The following LRRC49 variants were observed in gnomAD, a reference collection of about 807,000 sequenced individuals.
LRRC49 encodes the protein leucine-rich repeat-containing protein 49.
In LRRC49, 50 loss-of-function variants were observed where a neutral mutation model predicts 83.3. The ratio of observed to expected loss-of-function variants is 0.60; its 90% CI spans 0.48 to 0.76. The LOEUF is 0.76. LRRC49 is among the 30% of genes least tolerant of loss of function. The probability of loss-of-function intolerance (pLI) is 0.00; values close to 1 mark genes in which losing one functional copy is unlikely to be tolerated. For missense variants in LRRC49, 704 were observed against 809.1 expected, an observed-to-expected ratio of 0.87 and a Z score of 1.58; for synonymous variants, 286 against 283.3, an observed-to-expected ratio of 1.01 and a Z score of -0.10.
intron 1 of LRRC49, among the ~76,000 whole-genome samples, chr15:70,856,466 A>C (rs1360948461): frequency 6.6e-6 from 1 of 152,136 alleles, no homozygotes; most frequent in Non-Finnish European, 1.5e-5. Flanking sequence ...CATAGCATAA[A>C]TATGGGGCAT....
intron 8 of LRRC49, among the ~76,000 whole-genome samples, chr15:70,939,879 G>T (rs1333440872): frequency 7.4e-6 from 1 of 134,606 alleles, no homozygotes; most frequent in African/African-American, 2.8e-5. Flanking sequence ...AGGAAGGAAT[G>T]CTGTTTTAAG....
At chr15:70,894,531 T>G in intron 2 of LRRC49, 3 of 779,716 alleles carry the variant, frequency 3.8e-6, no homozygotes, top group Non-Finnish European at 5.4e-6. Flanking sequence ...TTTGAGATTT[T>G]GAGATAAACA....
chr15:70,972,679 A>T (rs1269416177), intron 9 of LRRC49, among the ~76,000 whole-genome samples: 1 of 151,822 alleles, frequency 6.6e-6, no homozygotes, highest in East Asian at 1.9e-4. Context: ...TGCTTTGTTC[A>T]TTCCTTTTCA....
chr15:70,882,183 C>A, intron 2 of LRRC49: 1 of 324,928 alleles, frequency 3.1e-6, no homozygotes, highest in East Asian at 5.5e-5. Flanking sequence ...GGAAGTGTTG[C>A]TGATATTGTG....
chr15:71,034,879 G>T (rs937173528), intron 14 of LRRC49, among the ~76,000 whole-genome samples: 2 of 152,046 alleles, frequency 1.3e-5, no homozygotes, highest in African/African-American at 4.8e-5. Flanking sequence ...AACAATACAC[G>T]CTGGGGCCTA....
intron 8 of LRRC49, among the ~76,000 whole-genome samples, chr15:70,956,311 A>G (rs1196442400): frequency 1.3e-5 from 2 of 152,106 alleles, no homozygotes; most frequent in Non-Finnish European, 2.9e-5. Flanking sequence ...CTGTTTCTCT[A>G]TAGGTTCTTT....
chr15:71,016,474 AG>A (rs915120325), intron 14 of LRRC49, among the ~76,000 whole-genome samples: 3 of 152,078 alleles, frequency 2.0e-5, no homozygotes, highest in African/African-American at 7.2e-5. Flanking sequence ...GAAATACCAA[AG>A]TAAGGCAAAA....
chr15:71,028,522 A>C (rs1468170552), intron 14 of LRRC49, among the ~76,000 whole-genome samples: 1 of 152,210 alleles, frequency 6.6e-6, no homozygotes, highest in Non-Finnish European at 1.5e-5. Flanking sequence ...AAGGAATGCT[A>C]CCGGCTCCTC....
intron 3 of LRRC49, among the ~76,000 whole-genome samples, chr15:70,898,070 T>C (rs1187018148): frequency 6.6e-6 from 1 of 152,218 alleles, no homozygotes; most frequent in Non-Finnish European, 1.5e-5. Flanking sequence ...ATATGTACTA[T>C]GCCGTCCATC....
chr15:70,869,872 C>T (rs2032991339), intron 1 of LRRC49, among the ~76,000 whole-genome samples: 1 of 151,914 alleles, frequency 6.6e-6, no homozygotes, highest in African/African-American at 2.4e-5. Flanking sequence ...TACGTGTTTG[C>T]TTTTTTAAAA....
intron 11 of LRRC49, among the ~76,000 whole-genome samples, chr15:70,998,561 A>C (rs925446261): frequency 1.3e-5 from 2 of 151,718 alleles, no homozygotes; most frequent in African/African-American, 2.4e-5. Context: ...CTTAGTGAGG[A>C]TCCCTTGTCC....
Position 70,908,042 on chromosome 15 carries a change from C to A in LRRC49, c.500+3287C>A, listed in dbSNP as rs1336579690. ...TTGGGGGGTGGAAAGAGAATTTATGCCAAAGGCAACTCATGAGAACAAGAG... is the reference window on the plus strand; with the variant it reads ...TTGGGGGGTGGAAAGAGAATTTATGACAAAGGCAACTCATGAGAACAAGAG... On this transcript the variant is annotated intron_variant, in intron 5 of 15. Coordinates refer to ENST00000260382, the MANE Select transcript of LRRC49 (RefSeq NM_017691.5). The A allele has an allele frequency of 1.0e-4, 47 of 455,582 alleles. 3 individuals are homozygous for A. Among genetic ancestry groups the A allele is most frequent in the Middle Eastern group, 6.5e-4 (2 of 3,090 alleles). The allele number at this position is 455,582 out of a possible 1,614,324, so 28.2% of individuals were successfully genotyped here.
chr15:70,900,591 G>T, intron 3 of LRRC49: 1 of 460,036 alleles, frequency 2.2e-6, no homozygotes, highest in Non-Finnish European at 4.4e-6. Context: ...TGGTAATGAG[G>T]AACTATCATT....
At chr15:71,033,869 C>T (rs2039435980) in intron 14 of LRRC49, among the ~76,000 whole-genome samples, 1 of 152,130 alleles carries the variant, frequency 6.6e-6, no homozygotes, top group Admixed American at 6.5e-5. Flanking sequence ...CTTCCTTACA[C>T]CTTACACAAA....
chr15:70,915,514 TTGTTA>T (rs2034734409), intron 6 of LRRC49, among the ~76,000 whole-genome samples: 1 of 152,188 alleles, frequency 6.6e-6, no homozygotes, highest in African/African-American at 2.4e-5. Context: ...CCATTTATGT[TTGTTA>T]TATCTGTATT....
intron 9 of LRRC49, among the ~76,000 whole-genome samples, chr15:70,968,166 T>G (rs763393044): frequency 2.6e-5 from 4 of 152,074 alleles, no homozygotes; most frequent in Non-Finnish European, 5.9e-5. Flanking sequence ...GGCCCTGGTA[T>G]GTGATGTTCC....
intron 1 of LRRC49, among the ~76,000 whole-genome samples, chr15:70,856,774 T>C (rs923856906): frequency 4.6e-5 from 7 of 152,186 alleles, no homozygotes; most frequent in African/African-American, 1.7e-4. Context: ...TCCACTTTGT[T>C]GCACCCGATT....
At chr15:70,907,630 T>G (rs2034371222) in intron 5 of LRRC49, 1 of 167,520 alleles carries the variant, frequency 6.0e-6, no homozygotes, top group Admixed American at 5.8e-5. Flanking sequence ...TCCTTGAAGT[T>G]TCCCACTTAA....
At chr15:70,986,911 G>A (rs1385052891) in intron 11 of LRRC49, among the ~76,000 whole-genome samples, 7 of 152,090 alleles carry the variant, frequency 4.6e-5, no homozygotes, top group Non-Finnish European at 1.0e-4. Context: ...TTTTGTCTTT[G>A]GTTCTGTTTA....
Sources: allele counts gnomAD v4.1 joint callset (sites outside exome capture counted in the v4.1 genomes callset), GRCh38; gene constraint gnomAD v4.1.1; transcripts MANE v1.5; gene names NCBI Gene and HGNC (gene_info 2026-07-23, HGNC 2026-07-21).